Variants in EYS observed in about 807,000 individuals in gnomAD.
The protein encoded by EYS is protein eyes shut homolog.
In EYS, 250 loss-of-function variants were observed where a neutral mutation model predicts 282.1. The ratio of observed to expected loss-of-function variants is 0.89; its 90% CI spans 0.80 to 0.98. The LOEUF is 0.98. EYS is among the 50% of genes least tolerant of loss of function. The pLI, the probability that EYS is intolerant of heterozygous loss-of-function variation, is 0.00. For missense variants in EYS, 4,016 were observed against 3,709.0 expected (o/e 1.08, Z -2.15); for synonymous variants, 1,355 against 1,282.9 (o/e 1.06, Z -1.20).
intron 36 of EYS, among the ~76,000 whole-genome samples, chr6:63,855,092 T>G (rs969779068): frequency 6.6e-6 from 1 of 152,246 alleles, no homozygotes. Context: ...ATGCTGTTAT[T>G]GCAGGAATTC....
chr6:64,148,000 C>T (rs1434366526), intron 31 of EYS, among the ~76,000 whole-genome samples: 2 of 152,060 alleles, frequency 1.3e-5, no homozygotes, highest in East Asian at 1.9e-4. Flanking sequence ...TGCAAAAAAC[C>T]CTAGGCCAAA....
chr6:65,497,949 T>C (rs1473178771), intron 2 of EYS, among the ~76,000 whole-genome samples: 2 of 152,020 alleles, frequency 1.3e-5, no homozygotes. Context: ...ATTAAAAGAA[T>C]TGAGACACTT....
At chr6:64,125,574 A>G (rs1302898266) in intron 31 of EYS, among the ~76,000 whole-genome samples, 1 of 151,842 alleles carries the variant, frequency 6.6e-6, no homozygotes, top group Non-Finnish European at 1.5e-5. Flanking sequence ...TCGTGAGGTC[A>G]GGGGATCAAG....
At chr6:64,203,647 T>C (rs747599385) in intron 31 of EYS, among the ~76,000 whole-genome samples, 9 of 151,828 alleles carry the variant, frequency 5.9e-5, no homozygotes, top group South Asian at 2.1e-4. Flanking sequence ...TAATAGGAGA[T>C]GGAAAAAGAA....
At chr6:64,555,218 T>A (rs902190063) in intron 26 of EYS, among the ~76,000 whole-genome samples, 7 of 151,920 alleles carry the variant, frequency 4.6e-5, no homozygotes, top group Non-Finnish European at 1.0e-4. Flanking sequence ...TATTATTTCC[T>A]ACAACATGGA....
intron 31 of EYS, among the ~76,000 whole-genome samples, chr6:64,157,238 G>T (rs1442224736): frequency 1.3e-5 from 2 of 151,958 alleles, no homozygotes; most frequent in Admixed American, 6.6e-5. Flanking sequence ...ATTTCTTATG[G>T]CTGCATAGTA....
chr6:64,039,779 T>C (rs997698637), intron 33 of EYS, among the ~76,000 whole-genome samples: 9 of 152,216 alleles, frequency 5.9e-5, no homozygotes, highest in African/African-American at 1.9e-4. Context: ...CACATTTTAT[T>C]ATTTTTGGAT....
intron 29 of EYS, among the ~76,000 whole-genome samples, chr6:64,373,003 C>T (rs1213791143): frequency 6.6e-6 from 1 of 152,064 alleles, no homozygotes; most frequent in Non-Finnish European, 1.5e-5. Flanking sequence ...TGGGTTTTGA[C>T]TCTCTCCTGT....
chr6:63,905,937 A>G (rs1773769368), intron 35 of EYS, among the ~76,000 whole-genome samples: 1 of 152,124 alleles, frequency 6.6e-6, no homozygotes, highest in Non-Finnish European at 1.5e-5. Context: ...AGAAAAAAAC[A>G]TTTCTCCTGA....
chr6:63,976,093 G>A (rs1276513058), intron 35 of EYS, among the ~76,000 whole-genome samples: 1 of 151,960 alleles, frequency 6.6e-6, no homozygotes. Flanking sequence ...TAAAAATACA[G>A]TATAAAAGAC....
At chr6:65,093,866 C>A (rs916368297) in intron 12 of EYS, among the ~76,000 whole-genome samples, 1 of 151,576 alleles carries the variant, frequency 6.6e-6, no homozygotes, top group Non-Finnish European at 1.5e-5. Flanking sequence ...AAAGATCTAA[C>A]TTTATGCTGT....
At chr6:63,948,792 A>G (rs1765476856) in intron 35 of EYS, among the ~76,000 whole-genome samples, 1 of 152,178 alleles carries the variant, frequency 6.6e-6, no homozygotes, top group South Asian at 2.1e-4. Context: ...TAAAGAGGCA[A>G]TGGGCATTCT....
intron 8 of EYS, among the ~76,000 whole-genome samples, chr6:65,381,460 C>G (rs1195359567): frequency 6.6e-6 from 1 of 151,790 alleles, no homozygotes; most frequent in East Asian, 2.0e-4. Context: ...ACACCGAGGC[C>G]TGTCGGGCAG....
At chr6:64,939,129 C>A (rs1184497331) in intron 15 of EYS, among the ~76,000 whole-genome samples, 1 of 151,776 alleles carries the variant, frequency 6.6e-6, no homozygotes, top group African/African-American at 2.4e-5. Flanking sequence ...TATTTAGTGA[C>A]TGCTCTTTTC....
chr6:65,198,927 ATT>A (rs1765834690), intron 12 of EYS, among the ~76,000 whole-genome samples: 1 of 152,014 alleles, frequency 6.6e-6, no homozygotes, highest in Non-Finnish European at 1.5e-5. Context: ...TCTCCTAAGT[ATT>A]TGGCTTGAGA....
At chr6:63,761,680 G>C (rs1667972064) in intron 41 of EYS, among the ~76,000 whole-genome samples, 1 of 152,020 alleles carries the variant, frequency 6.6e-6, no homozygotes, top group Admixed American at 6.6e-5. Context: ...AAATAGGGAA[G>C]AGAGAGCTAA....
chr6:63,978,277 G>A (rs2128355), intron 35 of EYS, among the ~76,000 whole-genome samples: 6 of 151,682 alleles, frequency 4.0e-5, no homozygotes, highest in African/African-American at 1.5e-4. Flanking sequence ...AGCTTTCCCC[G>A]CCACCTGTTT....
chr6:63,877,607 C>T (rs530282964), intron 35 of EYS, among the ~76,000 whole-genome samples: 3 of 147,138 alleles, frequency 2.0e-5, no homozygotes, highest in South Asian at 2.3e-4. Flanking sequence ...TCAGGTACAC[C>T]AATCAGACGT....
At chr6:63,929,981 C>T (rs1764837420) in intron 35 of EYS, among the ~76,000 whole-genome samples, 4 of 152,092 alleles carry the variant, frequency 2.6e-5, no homozygotes, top group Non-Finnish European at 5.9e-5. Context: ...TGTGTCGTCA[C>T]GTCTTATTTA....
Sources: allele counts gnomAD v4.1 joint callset (sites outside exome capture counted in the v4.1 genomes callset), GRCh38; gene constraint gnomAD v4.1.1; transcripts MANE v1.5; gene names NCBI Gene and HGNC (gene_info 2026-07-23, HGNC 2026-07-21).